Variants in KITLG observed in about 807,000 individuals in gnomAD.
KITLG encodes c-Kit ligand.
In KITLG, 13 loss-of-function variants were observed where a neutral mutation model predicts 34.1. The ratio of observed to expected loss-of-function variants is 0.38; its 90% CI spans 0.25 to 0.61. The LOEUF (loss-of-function observed/expected upper bound fraction) is 0.61. Ranked by LOEUF, KITLG falls within the 20% of genes least tolerant of loss-of-function variation. The probability of loss-of-function intolerance (pLI) is 0.60; values close to 1 mark genes in which losing one functional copy is unlikely to be tolerated. For synonymous variants in KITLG, 110 were observed against 104.0 expected (o/e 1.06, Z -0.35); for missense variants, 292 against 318.9 (o/e 0.92, Z 0.64).
At chr12:88,558,521 G>A (rs750092640) in intron 1 of KITLG, among the ~76,000 whole-genome samples, 2 of 152,156 alleles carry the variant, frequency 1.3e-5, no homozygotes, top group Non-Finnish European at 2.9e-5. Flanking sequence ...CTGGCTTTGC[G>A]AATTATGCAA....
intron 1 of KITLG, among the ~76,000 whole-genome samples, chr12:88,577,296 T>A: frequency 6.6e-6 from 1 of 152,220 alleles, no homozygotes; most frequent in East Asian, 1.9e-4. Context: ...AGAGTTAGTA[T>A]GCCTAAAATG....
chr12:88,556,969 A>C (rs184099118), intron 1 of KITLG, among the ~76,000 whole-genome samples: 45 of 152,334 alleles, frequency 3.0e-4, no homozygotes, highest in African/African-American at 1.1e-3. Flanking sequence ...TGGAACTAAA[A>C]GTCAATCACA....
chr12:88,513,777 C>T (rs1212607941), intron 6 of KITLG, among the ~76,000 whole-genome samples: 1 of 151,192 alleles, frequency 6.6e-6, no homozygotes, highest in Non-Finnish European at 1.5e-5. Flanking sequence ...AGCAAAAAAC[C>T]CAAAACCAAA....
chr12:88,503,213 A>G (rs988042309), intron 9 of KITLG, among the ~76,000 whole-genome samples: 1 of 152,224 alleles, frequency 6.6e-6, no homozygotes, highest in African/African-American at 2.4e-5. Flanking sequence ...CAACATAATT[A>G]TATCATGTTA....
Position 88,495,058 on chromosome 12 carries a change from C to T in KITLG, c.*2161G>A, listed in dbSNP as rs1486099288. 1.3e-5 allele frequency: 2 copies of T among 151,938 alleles called. No homozygotes were observed. The highest frequency in any genetic ancestry group is 2.9e-5 in the Non-Finnish European group (2 of 67,912). The allele number at this position is 151,938 out of a possible 1,614,324, so 9.4% of individuals were successfully genotyped here. On this transcript the variant is annotated 3_prime_UTR_variant, in exon 10 of 10. Coordinates refer to ENST00000644744, the MANE Select transcript of KITLG (RefSeq NM_000899.5). ...TCAATGGACCAACACATTTAATAAG[C>T]AGGACACATCTCCCCTCTCCTACCA...
rs139771009 is a variant in KITLG at position 88,508,556 on chromosome 12, C to CGTGTGTGT, written c.605-1427_605-1420dup. On this transcript the variant is annotated intron_variant, in intron 6 of 9. Coordinates refer to ENST00000644744, the MANE Select transcript of KITLG (RefSeq NM_000899.5). ...GATGGGATGTATGGATGTGTGCTCA[C>CGTGTGTGT]GTGTGTGTGTGTGTGTGTGTGTGTG... Among the ~76,000 whole-genome samples, 460 of 147,674 alleles carry CGTGTGTGT rather than the reference C, an allele frequency of 3.1e-3. 2 individuals carry two copies. The highest frequency in any genetic ancestry group is 0.011 in the African/African-American group (427 of 40,206).
intron 3 of KITLG, among the ~76,000 whole-genome samples, chr12:88,523,724 A>T (rs967153882): frequency 6.6e-6 from 1 of 152,162 alleles, no homozygotes; most frequent in Non-Finnish European, 1.5e-5. Flanking sequence ...TTTGCAAAAT[A>T]TTGCATGTTC....
At chr12:88,579,823 G>A (rs991994080) in intron 1 of KITLG, among the ~76,000 whole-genome samples, 5 of 98,206 alleles carry the variant, frequency 5.1e-5, no homozygotes, top group Non-Finnish European at 1.1e-4. Context: ...CCACCTCGGG[G>A]CTACACAAAT....
intron 9 of KITLG, among the ~76,000 whole-genome samples, chr12:88,501,782 A>T (rs1332665689): frequency 6.6e-6 from 1 of 152,120 alleles, no homozygotes; most frequent in Non-Finnish European, 1.5e-5. Flanking sequence ...TTATTTTCAT[A>T]TATTTTATTC....
intron 3 of KITLG, among the ~76,000 whole-genome samples, chr12:88,528,784 A>G (rs2120870911): frequency 6.6e-6 from 1 of 152,362 alleles, no homozygotes; most frequent in Admixed American, 6.5e-5. Context: ...TACTTGAAAT[A>G]GGTGAATCTG....
intron 6 of KITLG, among the ~76,000 whole-genome samples, chr12:88,507,355 A>C (rs1320157794): frequency 6.6e-6 from 1 of 152,250 alleles, no homozygotes; most frequent in Non-Finnish European, 1.5e-5. Context: ...GAAAGAAATC[A>C]CAGAGACAGA....
chr12:88,577,741 C>T (rs1439979314), intron 1 of KITLG, among the ~76,000 whole-genome samples: 1 of 152,140 alleles, frequency 6.6e-6, no homozygotes, highest in Non-Finnish European at 1.5e-5. Flanking sequence ...TACCAACATG[C>T]TAAATGAATG....
rs1868615106 is a variant in KITLG at position 88,495,703 on chromosome 12, C to T, written c.*1516G>A. On this transcript the variant is annotated 3_prime_UTR_variant, in exon 10 of 10. Transcript: ENST00000644744. Reference sequence around the variant, plus strand: ...AAAGCTAGCAGTTAGTTTTTCATGCCCTTTTGTGTCACTACATTGAAAACT... The same window carrying T: ...AAAGCTAGCAGTTAGTTTTTCATGCTCTTTTGTGTCACTACATTGAAAACT... The T allele has an allele frequency of 6.6e-6, 1 of 152,242 alleles. No individual in the cohort carries two copies. Among genetic ancestry groups the T allele is most frequent in the African/African-American group, 2.4e-5 (1 of 41,368 alleles). 9.4% of individuals were successfully genotyped at this position (152,242 alleles called of 1,614,324 possible).
intron 1 of KITLG, among the ~76,000 whole-genome samples, chr12:88,555,997 G>GGGGGGCATTTGGGGGAC (rs1312200595): frequency 6.6e-6 from 1 of 152,032 alleles, no homozygotes; most frequent in African/African-American, 2.4e-5. Context: ...GACTTGGGGA[G>GGGGGGCATTTGGGGGAC]GGGGGCATTT....
At chr12:88,567,247 T>C (rs1871473962) in intron 1 of KITLG, among the ~76,000 whole-genome samples, 1 of 152,208 alleles carries the variant, frequency 6.6e-6, no homozygotes, top group Non-Finnish European at 1.5e-5. Flanking sequence ...CAAAATTACT[T>C]CCCACATTTT....
At chr12:88,517,038 C>T (rs1441315908) in intron 4 of KITLG, among the ~76,000 whole-genome samples, 3 of 150,206 alleles carry the variant, frequency 2.0e-5, no homozygotes, top group Admixed American at 1.3e-4. Flanking sequence ...AAATAACCTA[C>T]TGAAACTATT....
At chr12:88,577,656 T>A (rs1247158764) in intron 1 of KITLG, among the ~76,000 whole-genome samples, 1 of 152,086 alleles carries the variant, frequency 6.6e-6, no homozygotes, top group Non-Finnish European at 1.5e-5. Context: ...ATCTGAAAAA[T>A]TCAAAAGACA....
In KITLG at chr12:88,544,474, G is replaced by GA. The variant is rs571565867; in HGVS notation, c.129+1277dup. On this transcript the variant is annotated intron_variant, in intron 2 of 9. Transcript: ENST00000644744. ...GTCACAAACTAACAAGCAACTCAAG[G>GA]AAAAAAAACATGATCTATTTTTAAA... Among the ~76,000 whole-genome samples, 370 of 147,802 alleles carry GA rather than the reference G, an allele frequency of 2.5e-3. 6 individuals carry two copies. The highest frequency in any genetic ancestry group is 8.8e-3 in the African/African-American group (357 of 40,470).
At position 88,580,470 on chromosome 12, in the gene KITLG, G is replaced by T; in HGVS notation, c.-192C>A. 4.3e-6 allele frequency: 3 copies of T among 693,886 alleles called. No homozygotes were observed. Among genetic ancestry groups the T allele is most frequent in the Non-Finnish European group, 2.4e-6 (1 of 412,042 alleles). 43.0% of individuals were successfully genotyped at this position (693,886 alleles called of 1,614,324 possible). A position where few individuals can be genotyped will look rare whatever the true frequency, so the allele number is the denominator to read the frequency against. ...GTCTCGGCGCGAGGCGGCGAGCGAAGCCCGGCTGCTGAGCCGCCGGCGCTT... is the reference window on the plus strand; with the variant it reads ...GTCTCGGCGCGAGGCGGCGAGCGAATCCCGGCTGCTGAGCCGCCGGCGCTT... On this transcript the variant is annotated 5_prime_UTR_variant, in exon 1 of 10. Coordinates refer to ENST00000644744, the MANE Select transcript of KITLG (RefSeq NM_000899.5).
Sources: gnomAD v4.1 joint callset for allele counts (sites outside exome capture counted in the v4.1 genomes callset) on GRCh38, gnomAD v4.1.1 for gene constraint, MANE v1.5 for transcripts, NCBI Gene and HGNC (gene_info 2026-07-23, HGNC 2026-07-21) for gene names.